The following TXLNB variants were observed in gnomAD, a reference collection of about 807,000 sequenced individuals.
TXLNB encodes beta-taxilin.
Under a neutral mutation model 57.4 loss-of-function variants are expected in TXLNB, and 37 were observed. That is an observed-to-expected ratio of 0.64 (90% confidence interval 0.50 to 0.85). The LOEUF (loss-of-function observed/expected upper bound fraction) is 0.85. Ranked by LOEUF, TXLNB falls within the 40% of genes least tolerant of loss-of-function variation. TXLNB has a pLI of 0.00. For missense variants in TXLNB, 848 were observed against 825.6 expected (o/e 1.03, Z -0.33); for synonymous variants, 302 against 309.6 (o/e 0.98, Z 0.26).
intron 3 of TXLNB, among the ~76,000 whole-genome samples, chr6:139,274,027 C>CT (rs1308946424): frequency 1.3e-5 from 2 of 152,078 alleles, no homozygotes; most frequent in African/African-American, 4.8e-5. Flanking sequence ...TTTTCTTTCT[C>CT]TTTTTTTACT....
At chr6:139,216,260 G>T in the TXLNB span, among the ~76,000 whole-genome samples, 18 of 151,626 alleles carry the variant, frequency 1.2e-4, no homozygotes, top group East Asian at 3.5e-3. Flanking sequence ...TTAAGAAAAT[G>T]TGGCACATAT....
At chr6:139,167,973 T>G in the TXLNB span, among the ~76,000 whole-genome samples, 1 of 152,210 alleles carries the variant, frequency 6.6e-6, no homozygotes, top group Non-Finnish European at 1.5e-5. Flanking sequence ...CATGTACAAC[T>G]ACTGAACTTC....
chr6:139,306,783 T>C, the TXLNB span, among the ~76,000 whole-genome samples: 2 of 152,308 alleles, frequency 1.3e-5, no homozygotes, highest in South Asian at 4.1e-4. Context: ...GGGACCCTAC[T>C]CTGCTCCTGG....
At chr6:139,171,059 C>T in the TXLNB span, among the ~76,000 whole-genome samples, 3 of 151,878 alleles carry the variant, frequency 2.0e-5, no homozygotes, top group South Asian at 4.2e-4. Context: ...CCTGGTTTTG[C>T]GGGCAGAAGA....
At chr6:139,220,942 G>C in the TXLNB span, among the ~76,000 whole-genome samples, 2 of 152,302 alleles carry the variant, frequency 1.3e-5, no homozygotes, top group East Asian at 1.9e-4. Flanking sequence ...AGACAAGCTG[G>C]ATGGGAATTC....
At chr6:139,214,160 G>A in the TXLNB span, among the ~76,000 whole-genome samples, 2 of 152,204 alleles carry the variant, frequency 1.3e-5, no homozygotes, top group Admixed American at 1.3e-4. Context: ...CCAAAGCCTG[G>A]CAGAGACACA....
the TXLNB span, among the ~76,000 whole-genome samples, chr6:139,228,810 T>C: frequency 6.6e-6 from 1 of 152,098 alleles, no homozygotes; most frequent in Non-Finnish European, 1.5e-5. Flanking sequence ...TGAATAAAAT[T>C]AGTGTGAAAG....
At chr6:139,201,302 A>G in the TXLNB span, among the ~76,000 whole-genome samples, 1 of 152,204 alleles carries the variant, frequency 6.6e-6, no homozygotes, top group Non-Finnish European at 1.5e-5. Flanking sequence ...AAATGGAGTC[A>G]CTCACGCTGA....
chr6:139,165,071 T>C, the TXLNB span, among the ~76,000 whole-genome samples: 6 of 152,290 alleles, frequency 3.9e-5, no homozygotes, highest in Admixed American at 1.3e-4. Flanking sequence ...TGTGCTAAAC[T>C]CTTTATAAGC....
the TXLNB span, among the ~76,000 whole-genome samples, chr6:139,184,055 T>C: frequency 6.6e-6 from 1 of 151,934 alleles, no homozygotes; most frequent in African/African-American, 2.4e-5. Context: ...TGTTGTGGAG[T>C]CAGCGCTTCG....
the TXLNB span, chr6:139,174,319 A>G: frequency 6.6e-7 from 1 of 1,514,052 alleles, no homozygotes; most frequent in Admixed American, 2.1e-5. Flanking sequence ...AAACATTTTT[A>G]TCTCCTTGGA....
the TXLNB span, among the ~76,000 whole-genome samples, chr6:139,225,843 A>G: frequency 1.3e-5 from 2 of 152,136 alleles, no homozygotes; most frequent in Non-Finnish European, 2.9e-5. Flanking sequence ...ATTATATATG[A>G]AAGTAAAAGG....
chr6:139,193,699 G>C, the TXLNB span, among the ~76,000 whole-genome samples: 1 of 150,994 alleles, frequency 6.6e-6, no homozygotes, highest in Non-Finnish European at 1.5e-5. Context: ...CTGTCGCCAG[G>C]CTGGAGTGCA....
chr6:139,160,118 A>C, the TXLNB span, among the ~76,000 whole-genome samples: 1 of 152,226 alleles, frequency 6.6e-6, no homozygotes, highest in Non-Finnish European at 1.5e-5. Flanking sequence ...CCTGTTATCC[A>C]GACTTGAAAC....
At chr6:139,247,051 T>G (rs1363482412) in intron 8 of TXLNB, among the ~76,000 whole-genome samples, 2 of 152,244 alleles carry the variant, frequency 1.3e-5, no homozygotes, top group Non-Finnish European at 2.9e-5. Context: ...TTACATTACA[T>G]AAGTTAAATT....
At chr6:139,264,672 GC>G in intron 4 of TXLNB, among the ~76,000 whole-genome samples, 1 of 152,210 alleles carries the variant, frequency 6.6e-6, no homozygotes, top group East Asian at 1.9e-4. Context: ...TGATTCTCCT[GC>G]CTCAGCCCCC....
the TXLNB span, among the ~76,000 whole-genome samples, chr6:139,217,596 T>C: frequency 2.9e-4 from 44 of 152,136 alleles, no homozygotes; most frequent in South Asian, 5.2e-3. Flanking sequence ...AGGCTGGGCG[T>C]GGCGGCTCAC....
At chr6:139,253,869 A>C (rs1776270944) in intron 7 of TXLNB, among the ~76,000 whole-genome samples, 1 of 152,172 alleles carries the variant, frequency 6.6e-6, no homozygotes, top group African/African-American at 2.4e-5. Flanking sequence ...GCACAGCTTC[A>C]AGTATTATTT....
chr6:139,258,350 T>A (rs781757355), intron 6 of TXLNB, among the ~76,000 whole-genome samples: 1 of 152,202 alleles, frequency 6.6e-6, no homozygotes, highest in East Asian at 1.9e-4. Flanking sequence ...TACAGCAAAG[T>A]ACCAATATAC....
Sources: allele counts gnomAD v4.1 joint callset (sites outside exome capture counted in the v4.1 genomes callset), GRCh38; gene constraint gnomAD v4.1.1; transcripts MANE v1.5; gene names NCBI Gene and HGNC (gene_info 2026-07-23, HGNC 2026-07-21).